Variants in MAST4 observed in about 807,000 individuals in gnomAD.
MAST4 encodes microtubule associated serine/threonine kinase family member 4.
Under a neutral mutation model 162.7 loss-of-function variants are expected in MAST4, and 89 were observed. That is an observed-to-expected ratio of 0.55 (90% CI 0.46 to 0.65). The LOEUF is 0.65. Ranked by LOEUF, MAST4 falls within the 30% of genes least tolerant of loss-of-function variation. The probability of loss-of-function intolerance (pLI) is 0.00; values close to 1 mark genes in which losing one functional copy is unlikely to be tolerated. For synonymous variants in MAST4, 1,479 were observed against 1,361.1 expected (o/e 1.09, Z -1.91); for missense variants, 3,153 against 3,374.0 (o/e 0.93, Z 1.62).
chr5:67,165,726 G>A lies in MAST4; in HGVS notation c.6547G>A (p.Val2183Ile). ...SSSPQDPPKP[V>I]AAHSESSSHK... ...GAGCCCCCAGGACCCTCCCAAGCCT[G>A]TTGCTGCGCACAGTGAAAGCAGCAG... The change falls in exon 29 of 29, where the codon GTT becomes ATT. Residue 2183 changes from valine (V) to isoleucine (I), a missense_variant. By Grantham distance (29) the Val-to-Ile change is conservative. Coordinates refer to ENST00000403625, the MANE Select transcript of MAST4 (RefSeq NM_001164664.2). 2 of 1,577,168 alleles carry A rather than the reference G, an allele frequency of 1.3e-6. No individual in the cohort carries two copies. The highest frequency in any genetic ancestry group is 1.7e-6 in the Non-Finnish European group (2 of 1,162,568).
chr5:66,904,797 G>T (rs907398449), intron 4 of MAST4, among the ~76,000 whole-genome samples: 1 of 152,102 alleles, frequency 6.6e-6, no homozygotes, highest in Middle Eastern at 3.2e-3. Context: ...GGTTCAGGAA[G>T]TACGTGTGTA....
At chr5:67,043,768 C>T (rs1757045077) in intron 4 of MAST4, among the ~76,000 whole-genome samples, 3 of 152,186 alleles carry the variant, frequency 2.0e-5, no homozygotes, top group Non-Finnish European at 4.4e-5. Flanking sequence ...ACCCCCAGCA[C>T]ACACTTGTAA....
intron 1 of MAST4, among the ~76,000 whole-genome samples, chr5:66,625,796 T>C (rs1477766366): frequency 6.6e-6 from 1 of 152,128 alleles, no homozygotes; most frequent in African/African-American, 2.4e-5. Context: ...GGTTAGATAG[T>C]CAAAGGAACT....
At chr5:66,983,766 T>C (rs1749141935) in intron 4 of MAST4, among the ~76,000 whole-genome samples, 1 of 152,238 alleles carries the variant, frequency 6.6e-6, no homozygotes, top group Non-Finnish European at 1.5e-5. Context: ...GCCAGTGTTA[T>C]GACTTTACAC....
chr5:66,704,896 G>A (rs10940080), intron 1 of MAST4, among the ~76,000 whole-genome samples: 101,842 of 151,960 alleles, frequency 0.67, 34,469 homozygotes, highest in East Asian at 0.85. Flanking sequence ...CTTGCTTCTC[G>A]GAAAGCAGTC....
Position 67,152,753 on chromosome 5 carries a change from C to G in MAST4, c.3412C>G (p.Pro1138Ala). 6.2e-7 allele frequency: 1 copy of G among 1,614,060 alleles called. No individual in the cohort carries two copies. Among genetic ancestry groups the G allele is most frequent in the Non-Finnish European group, 8.5e-7 (1 of 1,179,890 alleles). ...AGATTCCTCAGCAGCTTCTGCCAGT[C>G]CACATCAGCCGATTGTGATCCACAG... ...SRDSSAASAS[P>A]HQPIVIHSSG... Residue 1138 changes from proline to alanine, a missense_variant, in exon 25 of 29, where the codon CCA becomes GCA. Pro to Ala is a conservative substitution (Grantham distance 27). Around this residue, in one of 7 missense-constraint regions of MAST4, gnomAD observed 619 missense variants for 744.2 expected, o/e 0.83. Transcript: ENST00000403625.
chr5:67,011,707 A>G (rs969329724), intron 4 of MAST4, among the ~76,000 whole-genome samples: 3 of 152,182 alleles, frequency 2.0e-5, no homozygotes, highest in African/African-American at 7.2e-5. Context: ...CTGGGCATCT[A>G]AGGCTTACCA....
In MAST4 at chr5:66,788,721, C is replaced by G. The variant is rs746052438; in HGVS notation, c.569C>G (p.Ala190Gly). 6.2e-6 allele frequency: 10 copies of G among 1,613,542 alleles called. 1 individual carries two copies. In the East Asian group the frequency reaches 2.2e-4, roughly 36 times the overall value. ...PVAGQAWPAS[A>G]ETSNLVRMRS... Reference sequence around the variant, plus strand: ...GCGGGACAGGCCTGGCCGGCCTCTGCAGAGACGTCCAACCTCGTGCGCATG... The same window carrying G: ...GCGGGACAGGCCTGGCCGGCCTCTGGAGAGACGTCCAACCTCGTGCGCATG... Residue 190 changes from alanine to glycine, a missense_variant, in exon 3 of 29, where the codon GCA becomes GGA. By Grantham distance (60) the Ala-to-Gly change is moderately conservative. Coordinates refer to ENST00000403625, the MANE Select transcript of MAST4 (RefSeq NM_001164664.2).
intron 3 of MAST4, among the ~76,000 whole-genome samples, chr5:66,895,435 A>C (rs543647308): frequency 6.6e-6 from 1 of 152,060 alleles, no homozygotes; most frequent in Non-Finnish European, 1.5e-5. Flanking sequence ...TTGCACCCAG[A>C]TTCGTTTGTC....
intron 5 of MAST4, among the ~76,000 whole-genome samples, chr5:67,076,726 T>C (rs990791017): frequency 3.2e-4 from 48 of 152,296 alleles, no homozygotes; most frequent in African/African-American, 1.1e-3. Context: ...ACATCGAAGC[T>C]CATTTTTTTG....
At chr5:66,913,042 G>A (rs983396038) in intron 4 of MAST4, among the ~76,000 whole-genome samples, 4 of 152,166 alleles carry the variant, frequency 2.6e-5, no homozygotes, top group African/African-American at 4.8e-5. Flanking sequence ...GCATGAACCA[G>A]TTTCAGCTGT....
chr5:66,750,464 C>T (rs542944978), intron 1 of MAST4, among the ~76,000 whole-genome samples: 64 of 152,324 alleles, frequency 4.2e-4, no homozygotes, highest in Admixed American at 3.5e-3. Context: ...CGAAGCAGGG[C>T]GAGGCACTGC....
At chr5:66,760,929 A>G (rs902150873) in intron 2 of MAST4, among the ~76,000 whole-genome samples, 1 of 152,232 alleles carries the variant, frequency 6.6e-6, no homozygotes, top group African/African-American at 2.4e-5. Context: ...CATCACTAGT[A>G]CCTCATGAAT....
intron 1 of MAST4, among the ~76,000 whole-genome samples, chr5:66,698,317 C>G (rs549534812): frequency 6.6e-6 from 1 of 151,962 alleles, no homozygotes; most frequent in Non-Finnish European, 1.5e-5. Flanking sequence ...TCATTCCCTC[C>G]TCCTCTCCTT....
At chr5:66,858,810 A>T (rs1413115118) in intron 3 of MAST4, among the ~76,000 whole-genome samples, 1 of 151,996 alleles carries the variant, frequency 6.6e-6, no homozygotes, top group Non-Finnish European at 1.5e-5. Context: ...GTTTCTGTTA[A>T]TTCTGTATTC....
At position 67,069,313 on chromosome 5, in the gene MAST4, A is replaced by ATATATATATAT. The variant is rs1230619144; in HGVS notation, c.763+14821_763+14822insTATATATATAT. On this transcript the variant is annotated intron_variant, in intron 5 of 28. Coordinates refer to ENST00000403625, the MANE Select transcript of MAST4 (RefSeq NM_001164664.2). ...ATATATATATATATATATATATATA[A>ATATATATATAT]AATTTTAAAATATTCCTTCTAAGGC... is the stretch of plus-strand genomic sequence containing the variant. 2.6e-3 allele frequency among the ~76,000 whole-genome samples: 171 copies of ATATATATATAT among 65,298 alleles called. 3 individuals are homozygous for ATATATATATAT. Among genetic ancestry groups the ATATATATATAT allele is most frequent in the Non-Finnish European group, 3.6e-3 (129 of 35,694 alleles). 42.8% of individuals were successfully genotyped at this position (65,298 alleles called of 152,430 possible).
intron 3 of MAST4, among the ~76,000 whole-genome samples, chr5:66,859,419 C>T (rs1759926896): frequency 6.6e-6 from 1 of 152,080 alleles, no homozygotes; most frequent in South Asian, 2.1e-4. Flanking sequence ...ATTTAAGACA[C>T]AGGTCAGTGT....
At chr5:67,131,478 C>T (rs905751096) in intron 15 of MAST4, among the ~76,000 whole-genome samples, 1 of 152,132 alleles carries the variant, frequency 6.6e-6, no homozygotes, top group Non-Finnish European at 1.5e-5. Flanking sequence ...GATTTGGACT[C>T]AGGTAGCCTG....
intron 4 of MAST4, among the ~76,000 whole-genome samples, chr5:66,975,175 A>G (rs928412441): frequency 2.0e-5 from 3 of 152,170 alleles, no homozygotes; most frequent in African/African-American, 7.2e-5. Flanking sequence ...AGAGCCTCAC[A>G]GGGAGCCTGG....
Sources: allele counts gnomAD v4.1 joint callset (sites outside exome capture counted in the v4.1 genomes callset), GRCh38; gene constraint gnomAD v4.1.1; regional missense constraint gnomAD v4.1.1; transcripts MANE v1.5; gene names NCBI Gene and HGNC (gene_info 2026-07-23, HGNC 2026-07-21).